The following CACNA2D2 variants were observed in gnomAD, a reference collection of about 807,000 sequenced individuals.
The protein encoded by CACNA2D2 is calcium voltage-gated channel auxiliary subunit alpha2delta 2.
A neutral mutation model predicts 166.4 loss-of-function variants in CACNA2D2; 48 were observed. The ratio of observed to expected loss-of-function variants is 0.29; its 90% CI spans 0.23 to 0.37. CACNA2D2 has a LOEUF of 0.37. Among genes scored for constraint, CACNA2D2 ranks in the 10% least tolerant of loss-of-function variants. CACNA2D2 has a pLI of 1.00. For synonymous variants in CACNA2D2, 561 were observed against 573.7 expected (o/e 0.98, Z 0.32); for missense variants, 1,122 against 1,433.0 (o/e 0.78, Z 3.50).
At chr3:50,369,276 C>T (rs1330466671) in intron 23 of CACNA2D2, among the ~76,000 whole-genome samples, 2 of 152,260 alleles carry the variant, frequency 1.3e-5, no homozygotes, top group Non-Finnish European at 2.9e-5. Context: ...CATTCACTCA[C>T]CCTCCACGTA....
chr3:50,376,099 A>AC lies in CACNA2D2; in HGVS notation c.1701+14dup. On this transcript the variant is annotated intron_variant, in intron 18 of 37. Transcript: ENST00000424201. This position sits in a 1 kb window ranked among gnomAD's most constrained non-coding sequence, Gnocchi z 4.3. ...GGAAGGTTTGCCCACCCTCCAGGCCACCCGTCTGGCTCACCTGGGGCTTGA... is the reference window on the plus strand; with the variant it reads ...GGAAGGTTTGCCCACCCTCCAGGCCACCCCGTCTGGCTCACCTGGGGCTTGA... The AC allele has an allele frequency of 6.2e-7, 1 of 1,613,300 alleles. No homozygotes were observed. Among genetic ancestry groups the AC allele is most frequent in the Non-Finnish European group, 8.5e-7 (1 of 1,179,966 alleles).
chr3:50,431,980 C>CAA (rs57712165), intron 3 of CACNA2D2, among the ~76,000 whole-genome samples: 91 of 92,158 alleles, frequency 9.9e-4, no homozygotes, highest in Non-Finnish European at 1.6e-3. Flanking sequence ...GTGTCTGTCT[C>CAA]AAAAAAAAAA....
chr3:50,412,395 A>T (rs909908882), intron 3 of CACNA2D2, among the ~76,000 whole-genome samples: 1 of 152,176 alleles, frequency 6.6e-6, no homozygotes, highest in African/African-American at 2.4e-5. Flanking sequence ...TGAGATAACG[A>T]ATCGCTCCAT....
rs765560727 is a variant in CACNA2D2, at chr3:50,366,249, T to A, written c.2709+18A>T. 9.3e-6 allele frequency: 15 copies of A among 1,613,968 alleles called. No individual in the cohort carries two copies. Among genetic ancestry groups the A allele is most frequent in the East Asian group, 8.9e-5 (4 of 44,876 alleles). ...TCAAATCCCTACTCTCTTCTTTCAC[T>A]CTCTTCCTGATCCTCACCTGGTCCC... On this transcript the variant is annotated intron_variant, in intron 31 of 37. Coordinates refer to ENST00000424201, the MANE Select transcript of CACNA2D2 (RefSeq NM_006030.4). The surrounding 1 kb of genome is among the most constrained non-coding windows in gnomAD (Gnocchi z 5.9).
rs191611366 is a variant in CACNA2D2 at position 50,369,191 on chromosome 3, G to A, written c.2046-956C>T. On this transcript the variant is annotated intron_variant, in intron 23 of 37. Transcript: ENST00000424201. ...CACCCAGGGTGACACCCACACGACT[G>A]TGCTTGAGATACACCAAGTCACTTG... 2.1e-3 allele frequency among the ~76,000 whole-genome samples: 324 copies of A among 152,352 alleles called. 1 individual carries two copies. The highest frequency in any genetic ancestry group is 7.5e-3 in the African/African-American group (313 of 41,578).
At chr3:50,454,005 C>G (rs972791494) in intron 2 of CACNA2D2, among the ~76,000 whole-genome samples, 8 of 152,182 alleles carry the variant, frequency 5.3e-5, no homozygotes, top group African/African-American at 1.7e-4. Flanking sequence ...CCTCCACACC[C>G]GGGTTCCGGT....
chr3:50,372,458 C>T (rs587709230), intron 22 of CACNA2D2, among the ~76,000 whole-genome samples: 1 of 152,364 alleles, frequency 6.6e-6, no homozygotes, highest in East Asian at 1.9e-4. Flanking sequence ...AGGCGCGGGT[C>T]AGCCCTGCTC....
chr3:50,405,413 G>T (rs1706657621), intron 3 of CACNA2D2, among the ~76,000 whole-genome samples: 1 of 152,190 alleles, frequency 6.6e-6, no homozygotes, highest in African/African-American at 2.4e-5. Flanking sequence ...AGGAACACCA[G>T]AGCAAGCAGC....
At chr3:50,382,030 C>T (rs1289430310) in intron 6 of CACNA2D2, among the ~76,000 whole-genome samples, 1 of 143,784 alleles carries the variant, frequency 7.0e-6, no homozygotes, top group East Asian at 2.0e-4. Flanking sequence ...ACAAACAAGG[C>T]TCCTCTCAGA....
At chr3:50,387,079 G>C (rs1030908402) in intron 5 of CACNA2D2, among the ~76,000 whole-genome samples, 2 of 152,174 alleles carry the variant, frequency 1.3e-5, no homozygotes, top group Admixed American at 6.5e-5. Context: ...GTCAGTCCCA[G>C]TGCCACCACT....
intron 13 of CACNA2D2, 44 bp downstream of exon 13, chr3:50,378,869 AAG>A: frequency 6.2e-7 from 1 of 1,609,948 alleles, no homozygotes; most frequent in Non-Finnish European, 8.5e-7. Flanking sequence ...AATCGACAAA[AAG>A]AAATGGCAGG....
At chr3:50,503,742 G>T, upstream of CACNA2D2, 1 of 125,284 alleles carries the variant, frequency 8.0e-6, no homozygotes, top group South Asian at 2.4e-4. Flanking sequence ...GCCCGCCCCC[G>T]CGCGCCCCCG....
intron 2 of CACNA2D2, among the ~76,000 whole-genome samples, chr3:50,465,388 G>C (rs539466408): frequency 2.6e-5 from 4 of 152,200 alleles, no homozygotes; most frequent in Admixed American, 6.5e-5. Context: ...CTGATCAAGA[G>C]GCAAGTGGCT....
At chr3:50,387,398 T>G (rs982412152) in intron 5 of CACNA2D2, among the ~76,000 whole-genome samples, 170 bp downstream of exon 5, 28 of 152,284 alleles carry the variant, frequency 1.8e-4, no homozygotes, top group African/African-American at 6.0e-4. Flanking sequence ...GATGCAGCCC[T>G]GGAGGGGTCC....
Position 50,365,100 on chromosome 3 carries a change from G to A in CACNA2D2, c.3183C>T (p.Gly1061=), listed in dbSNP as rs200429466. 3.1e-4 allele frequency: 497 copies of A among 1,611,686 alleles called. 1 individual carries two copies. The highest frequency in any genetic ancestry group is 2.8e-3 in the Middle Eastern group (17 of 6,076). The change falls in exon 36 of 38, where the codon GGC becomes GGT. Residue 1061 remains glycine (G), a synonymous_variant. Coordinates refer to ENST00000424201, the MANE Select transcript of CACNA2D2 (RefSeq NM_006030.4). The surrounding 1 kb of genome is among the most constrained non-coding windows in gnomAD (Gnocchi z 4.5). ...AGTGCGTCTCCTTCTGCAGCAGCCG[G>A]CCAGCCTCGCACTGGCTGCACAGCG... ...EKPLCSQCEA[G]RLLQKETHSD... is the part of the protein sequence containing the mutation.
intron 6 of CACNA2D2, among the ~76,000 whole-genome samples, chr3:50,381,915 C>A (rs2106674867): frequency 6.6e-6 from 1 of 151,770 alleles, no homozygotes; most frequent in East Asian, 1.9e-4. Flanking sequence ...CCATCAGTTA[C>A]CCCATTCTCC....
At chr3:50,431,981 A>C (rs1218873335) in intron 3 of CACNA2D2, among the ~76,000 whole-genome samples, 1 of 42,492 alleles carries the variant, frequency 2.4e-5, no homozygotes, top group African/African-American at 1.6e-4. Context: ...TGTCTGTCTC[A>C]AAAAAAAAAA....
At chr3:50,388,395 G>C (rs1444710746) in intron 4 of CACNA2D2, among the ~76,000 whole-genome samples, 1 of 152,240 alleles carries the variant, frequency 6.6e-6, no homozygotes, top group Non-Finnish European at 1.5e-5. Flanking sequence ...TGCCCCCATG[G>C]GCTTCAGGGC....
intron 2 of CACNA2D2, among the ~76,000 whole-genome samples, chr3:50,453,898 G>C (rs1293345191): frequency 6.6e-6 from 1 of 152,138 alleles, no homozygotes; most frequent in African/African-American, 2.4e-5. Flanking sequence ...GGTCAGGGAA[G>C]GGAGGTGTGA....
Sources: allele counts gnomAD v4.1 joint callset (sites outside exome capture counted in the v4.1 genomes callset), GRCh38; gene constraint gnomAD v4.1.1; non-coding constraint Gnocchi (gnomAD v3.1); transcripts MANE v1.5; gene names NCBI Gene and HGNC (gene_info 2026-07-23, HGNC 2026-07-21).